The following TEX11 variants were observed in gnomAD, a reference collection of about 807,000 sequenced individuals.
The protein encoded by TEX11 is testis expressed 11, also known as testis-expressed protein 11.
TEX11 carries 7 observed loss-of-function variants against 84.4 expected under a neutral mutation model. The observed-to-expected ratio is 0.08, with a 90% CI of 0.05 to 0.16. The LOEUF is 0.16. Ranked by LOEUF, TEX11 falls within the 10% of genes least tolerant of loss-of-function variation. The probability of loss-of-function intolerance (pLI) is 1.00; values close to 1 mark genes in which losing one functional copy is unlikely to be tolerated. For synonymous variants in TEX11, 264 were observed against 222.8 expected (o/e 1.18, Z -1.64); for missense variants, 551 against 660.5 (o/e 0.83, Z 1.82).
At chrX:70,626,187 C>A (rs1309581063) in intron 18 of TEX11, among the ~76,000 whole-genome samples, 2 of 111,402 alleles carry the variant, frequency 1.8e-5, no homozygotes, top group Non-Finnish European at 3.8e-5. Flanking sequence ...CTAACAATTG[C>A]AATCATTTCA....
At chrX:70,735,035 ATCTT>A (rs921560496) in intron 11 of TEX11, among the ~76,000 whole-genome samples, 3 of 112,075 alleles carry the variant, frequency 2.7e-5, no homozygotes, top group African/African-American at 9.7e-5. Flanking sequence ...AAGTAAAACT[ATCTT>A]TATTTACAAA....
At chrX:70,595,323 G>T (rs1356919679) in intron 24 of TEX11, among the ~76,000 whole-genome samples, 1 of 111,155 alleles carries the variant, frequency 9.0e-6, no homozygotes, top group Non-Finnish European at 1.9e-5. Context: ...GACCTCAAGT[G>T]ATCTGCCCAC....
intron 20 of TEX11, among the ~76,000 whole-genome samples, chrX:70,613,541 C>A (rs1346207904): frequency 2.7e-5 from 3 of 111,997 alleles, no homozygotes; most frequent in Non-Finnish European, 5.6e-5. Context: ...CCATCCCAGT[C>A]GTTGGAATCT....
chrX:70,898,260 C>T (rs997069763), intron 2 of TEX11, among the ~76,000 whole-genome samples: 1 of 111,345 alleles, frequency 9.0e-6, no homozygotes, highest in Non-Finnish European at 1.9e-5. Context: ...GTAATAAGTG[C>T]TGTGAGTGGA....
chrX:70,544,213 TTAA>T (rs1213358016), intron 28 of TEX11, among the ~76,000 whole-genome samples: 7 of 111,904 alleles, frequency 6.3e-5, no homozygotes, highest in African/African-American at 2.3e-4. Context: ...TTTTTCTTTC[TTAA>T]TAATAAATTA....
intron 25 of TEX11, among the ~76,000 whole-genome samples, chrX:70,567,519 C>T (rs1383094918): frequency 9.0e-6 from 1 of 110,973 alleles, no homozygotes; most frequent in Admixed American, 9.7e-5. Context: ...TTAGATCTTT[C>T]CTGCTTTCTC....
At chrX:70,610,584 C>A (rs751444068) in intron 20 of TEX11, 41 bp from the exon 21 acceptor site, 4 of 1,143,652 alleles carry the variant, frequency 3.5e-6, no homozygotes, top group Non-Finnish European at 3.6e-6. Flanking sequence ...TGCTCCAAAT[C>A]TTTACTATAA....
At chrX:70,906,120 T>TC (rs1244012944) in intron 2 of TEX11, among the ~76,000 whole-genome samples, 13 of 54,100 alleles carry the variant, frequency 2.4e-4, no homozygotes, top group South Asian at 1.1e-3. Context: ...TATATATATA[T>TC]ATATATATAT....
At chrX:70,768,350 A>G (rs1450217911) in intron 9 of TEX11, among the ~76,000 whole-genome samples, 1 of 111,617 alleles carries the variant, frequency 9.0e-6, no homozygotes, top group Admixed American at 9.6e-5. Context: ...ACAGAACATC[A>G]AAAAGTATAT....
At position 70,705,785 on chromosome X, in the gene TEX11, C is replaced by CG. The variant is rs573778312; in HGVS notation, c.1004+16832_1004+16833insC. 4.0e-3 allele frequency among the ~76,000 whole-genome samples: 442 copies of CG among 111,074 alleles called. 2 individuals are homozygous for CG. Among genetic ancestry groups the CG allele is most frequent in the African/African-American group, 0.014 (424 of 30,624 alleles). ...TACCATCTCACACCAGTTAGAATGG[C>CG]ATCATTAAAAAGTCAGGAAACAACA... On this transcript the variant is annotated intron_variant, in intron 13 of 29. Transcript: ENST00000374333.
intron 9 of TEX11, among the ~76,000 whole-genome samples, chrX:70,799,767 T>G (rs756087469): frequency 1.8e-5 from 2 of 112,391 alleles, no homozygotes; most frequent in South Asian, 7.4e-4. Context: ...TCTGCTCTTA[T>G]CTGCCGCTGA....
At chrX:70,850,404 T>A (rs2091501279) in intron 7 of TEX11, among the ~76,000 whole-genome samples, 1 of 110,918 alleles carries the variant, frequency 9.0e-6, no homozygotes, top group African/African-American at 3.3e-5. Flanking sequence ...TTTTTGCAGT[T>A]ACGTCACATC....
chrX:70,785,738 T>C (rs1050826273), intron 9 of TEX11, among the ~76,000 whole-genome samples: 1 of 112,014 alleles, frequency 8.9e-6, no homozygotes, highest in African/African-American at 3.2e-5. Context: ...TCACTGGCCA[T>C]CAGAGAAATG....
At chrX:70,730,155 G>T (rs1238266977) in intron 11 of TEX11, among the ~76,000 whole-genome samples, 4 of 111,865 alleles carry the variant, frequency 3.6e-5, no homozygotes, top group African/African-American at 1.3e-4. Flanking sequence ...GCTCCTGAAA[G>T]AAGCACTAAA....
chrX:70,782,388 T>G (rs1276299938), intron 9 of TEX11, among the ~76,000 whole-genome samples: 2 of 110,660 alleles, frequency 1.8e-5, no homozygotes, highest in Non-Finnish European at 3.8e-5. Context: ...AGACCATCGA[T>G]GTTAGGAAGA....
chrX:70,859,742 G>T (rs1344506710), intron 5 of TEX11, among the ~76,000 whole-genome samples: 1 of 111,270 alleles, frequency 9.0e-6, no homozygotes, highest in African/African-American at 3.3e-5. Context: ...TAGGCCAGGC[G>T]CAGTGGCTCA....
At chrX:70,751,213 G>A (rs2147757971) in intron 9 of TEX11, among the ~76,000 whole-genome samples, 1 of 106,303 alleles carries the variant, frequency 9.4e-6, no homozygotes, top group African/African-American at 3.4e-5. Context: ...ATTCACAATA[G>A]CAAAGATATG....
At chrX:70,664,314 T>C (rs1166010308) in intron 16 of TEX11, among the ~76,000 whole-genome samples, 1 of 111,849 alleles carries the variant, frequency 8.9e-6, no homozygotes, top group African/African-American at 3.2e-5. Flanking sequence ...TCTACTTTGT[T>C]CTTGTACAAT....
chrX:70,753,819 G>A (rs929747505), intron 9 of TEX11, among the ~76,000 whole-genome samples: 3 of 110,251 alleles, frequency 2.7e-5, no homozygotes, highest in South Asian at 3.9e-4. Context: ...CCTAGCTCCC[G>A]GACATTTCTG....
Sources: allele counts gnomAD v4.1 joint callset (sites outside exome capture counted in the v4.1 genomes callset), GRCh38; gene constraint gnomAD v4.1.1; transcripts MANE v1.5; gene names NCBI Gene and HGNC (gene_info 2026-07-23, HGNC 2026-07-21).